The following KCNMB4 variants were observed in gnomAD, a reference collection of about 807,000 sequenced individuals.
The protein encoded by KCNMB4 is calcium-activated potassium channel subunit beta-4.
KCNMB4 carries 3 observed loss-of-function variants against 20.7 expected under a neutral mutation model. That is an observed-to-expected ratio of 0.14 (90% confidence interval 0.07 to 0.37). KCNMB4 has a LOEUF of 0.37. Among genes scored for constraint, KCNMB4 ranks in the 10% least tolerant of loss-of-function variants. The pLI is 1.00. For synonymous variants in KCNMB4, 110 were observed against 113.4 expected (o/e 0.97, Z 0.19); for missense variants, 168 against 265.9 (o/e 0.63, Z 2.56).
chr12:70,419,490 T>A (rs1225470630), intron 2 of KCNMB4, among the ~76,000 whole-genome samples: 1 of 152,168 alleles, frequency 6.6e-6, no homozygotes. Flanking sequence ...AAGAACTGAT[T>A]AAACCATGCA....
rs1236352037 is a variant in KCNMB4 at position 70,368,599 on chromosome 12, T to G, written c.336+1529T>G. ...CAGGGTTTTAGAAACATTTTTTTTT[T>G]TAGAATTAAATCAATAATGTCAAAG... On this transcript the variant is annotated intron_variant, in intron 1 of 2. Coordinates refer to ENST00000258111, the MANE Select transcript of KCNMB4 (RefSeq NM_014505.6). 2.0e-5 allele frequency among the ~76,000 whole-genome samples: 3 copies of G among 152,132 alleles called. No homozygotes were observed. The South Asian group carries it at 6.2e-4, about 31-fold the overall frequency.
At chr12:70,417,627 A>G (rs1325240522) in intron 2 of KCNMB4, among the ~76,000 whole-genome samples, 1 of 152,238 alleles carries the variant, frequency 6.6e-6, no homozygotes, top group Non-Finnish European at 1.5e-5. Context: ...TGTTTATGCA[A>G]ATACATCCAT....
intron 1 of KCNMB4, among the ~76,000 whole-genome samples, chr12:70,370,075 C>A (rs1464091446): frequency 1.3e-5 from 2 of 152,126 alleles, no homozygotes; most frequent in African/African-American, 4.8e-5. Context: ...CTGGGTCCAA[C>A]TCTCCAAGAT....
chr12:70,393,693 A>G (rs1307889164), intron 1 of KCNMB4, among the ~76,000 whole-genome samples: 1 of 152,226 alleles, frequency 6.6e-6, no homozygotes, highest in African/African-American at 2.4e-5. Context: ...TAAAAAAACT[A>G]TGCATTGGAG....
intron 2 of KCNMB4, among the ~76,000 whole-genome samples, chr12:70,425,386 C>T (rs753507433): frequency 5.3e-5 from 8 of 152,062 alleles, no homozygotes; most frequent in Non-Finnish European, 8.8e-5. Flanking sequence ...TGCAGTGAGC[C>T]GAGATCGGGC....
At chr12:70,373,532 TG>T (rs1317700735) in intron 1 of KCNMB4, among the ~76,000 whole-genome samples, 1 of 152,178 alleles carries the variant, frequency 6.6e-6, no homozygotes, top group African/African-American at 2.4e-5. Flanking sequence ...CCTGGCATCT[TG>T]GTTTTAGCCC....
intron 1 of KCNMB4, among the ~76,000 whole-genome samples, 157 bp from the exon 2 acceptor site, chr12:70,400,052 G>A (rs1868410745): frequency 6.6e-6 from 1 of 152,056 alleles, no homozygotes; most frequent in South Asian, 2.1e-4. Context: ...TTGGAAATTT[G>A]GAATATAGTT....
intron 1 of KCNMB4, among the ~76,000 whole-genome samples, chr12:70,369,239 G>A (rs971202240): frequency 2.0e-5 from 3 of 152,168 alleles, no homozygotes. Context: ...TAGACTGTAA[G>A]TTTGTTCTTT....
chr12:70,417,231 T>A (rs958506401), intron 2 of KCNMB4, among the ~76,000 whole-genome samples: 3 of 152,210 alleles, frequency 2.0e-5, no homozygotes, highest in Non-Finnish European at 4.4e-5. Flanking sequence ...AGTTGCAGAA[T>A]CTTTTTCAGA....
At chr12:70,424,191 G>A (rs1426992850) in intron 2 of KCNMB4, among the ~76,000 whole-genome samples, 2 of 152,170 alleles carry the variant, frequency 1.3e-5, no homozygotes, top group African/African-American at 4.8e-5. Flanking sequence ...AATTCCCCTG[G>A]AGAAGGGATT....
intron 2 of KCNMB4, among the ~76,000 whole-genome samples, chr12:70,427,257 G>A (rs1189538308): frequency 6.6e-6 from 1 of 152,198 alleles, no homozygotes. Flanking sequence ...TAAAATTGGA[G>A]GAAACTGAGA....
chr12:70,412,522 G>A (rs1021293719), intron 2 of KCNMB4, among the ~76,000 whole-genome samples: 3 of 152,086 alleles, frequency 2.0e-5, no homozygotes, highest in Non-Finnish European at 4.4e-5. Flanking sequence ...TTTATTTTCC[G>A]GACGTCTTTG....
At chr12:70,417,282 C>G (rs1443348443) in intron 2 of KCNMB4, among the ~76,000 whole-genome samples, 2 of 152,136 alleles carry the variant, frequency 1.3e-5, no homozygotes, top group Non-Finnish European at 2.9e-5. Context: ...CTGTTTGGCC[C>G]CATTTAGTAT....
chr12:70,384,819 A>G (rs1226876229), intron 1 of KCNMB4, among the ~76,000 whole-genome samples: 1 of 141,764 alleles, frequency 7.1e-6, no homozygotes, highest in Non-Finnish European at 1.5e-5. Flanking sequence ...GGTTACAGTG[A>G]GCTATGACTA....
chr12:70,367,190 G>A, intron 1 of KCNMB4, 120 bp downstream of exon 1: 1 of 719,484 alleles, frequency 1.4e-6, no homozygotes, highest in Non-Finnish European at 2.1e-6. Context: ...GAGACCAGGT[G>A]GCGCAGGCTG....
In KCNMB4 at chr12:70,367,086, G is replaced by C. The variant is rs759524842; in HGVS notation, c.336+16G>C. 6.7e-7 allele frequency: 1 copy of C among 1,488,302 alleles called. No homozygotes were observed. Among genetic ancestry groups the C allele is most frequent in the East Asian group, 2.4e-5 (1 of 42,194 alleles). 92.2% of individuals were successfully genotyped at this position (1,488,302 alleles called of 1,614,324 possible). On this transcript the variant is annotated intron_variant, in intron 1 of 2. Transcript: ENST00000258111. The stretch of plus-strand genomic sequence containing the variant: ...CAACCCCAAGGTAAGAACGCCCCGC[G>C]CACCCAGGGGCTCCCCGCGAGGGAG...
intron 2 of KCNMB4, among the ~76,000 whole-genome samples, chr12:70,412,193 G>C (rs1213052336): frequency 6.6e-6 from 1 of 152,186 alleles, no homozygotes; most frequent in Admixed American, 6.5e-5. Context: ...TGTTTTGGAG[G>C]CACCATTAAC....
rs572505563 is a variant in KCNMB4, at chr12:70,424,246, A to C, written c.465-6239A>C. Among the ~76,000 whole-genome samples, 5 of 152,306 alleles carry C rather than the reference A, an allele frequency of 3.3e-5. No homozygotes were observed. The South Asian group carries it at 1.0e-3, about 32-fold the overall frequency. ...AGAAGCTACTGCTTTTAGTCAGATA[A>C]GGGAAGATCCAAGAAAGCTTTGTTT... On this transcript the variant is annotated intron_variant, in intron 2 of 2. Coordinates refer to ENST00000258111, the MANE Select transcript of KCNMB4 (RefSeq NM_014505.6).
At position 70,386,327 on chromosome 12, in the gene KCNMB4, AT is replaced by A. The variant is rs545535541; in HGVS notation, c.337-13879del. Among the ~76,000 whole-genome samples, 302 of 152,186 alleles carry A rather than the reference AT, an allele frequency of 2.0e-3. 1 individual carries two copies. The highest frequency in any genetic ancestry group is 0.013 in the South Asian group (62 of 4,828). On this transcript the variant is annotated intron_variant, in intron 1 of 2. Coordinates refer to ENST00000258111, the MANE Select transcript of KCNMB4 (RefSeq NM_014505.6). ...TAATTATATAAATTTTCACAGATTGATTTCATAAAAATTAATTTTTTTATGT... is the reference window on the plus strand; with the variant it reads ...TAATTATATAAATTTTCACAGATTGATTCATAAAAATTAATTTTTTTATGT...
Sources: gnomAD v4.1 joint callset for allele counts (sites outside exome capture counted in the v4.1 genomes callset) on GRCh38, gnomAD v4.1.1 for gene constraint, MANE v1.5 for transcripts, NCBI Gene and HGNC (gene_info 2026-07-23, HGNC 2026-07-21) for gene names.